Variants in KIAA0232 observed in about 807,000 individuals in gnomAD.
KIAA0232 encodes the protein KIAA0232, also known as uncharacterized protein KIAA0232.
KIAA0232 carries 27 observed loss-of-function variants against 122.0 expected under a neutral mutation model. That is an observed-to-expected ratio of 0.22 (90% CI 0.16 to 0.31). KIAA0232 has a LOEUF of 0.31. Ranked by LOEUF, KIAA0232 falls within the 10% of genes least tolerant of loss-of-function variation. KIAA0232 has a pLI of 1.00. For synonymous variants in KIAA0232, 613 were observed against 587.6 expected, an observed-to-expected ratio of 1.04 and a Z score of -0.63; for missense variants, 1,551 against 1,634.2, an observed-to-expected ratio of 0.95 and a Z score of 0.88.
At chr4:6,870,484 C>T (rs1721415779) in intron 7 of KIAA0232, among the ~76,000 whole-genome samples, 1 of 152,226 alleles carries the variant, frequency 6.6e-6, no homozygotes, top group Non-Finnish European at 1.5e-5. Context: ...TTTTAAGACA[C>T]TTAGGTCAAT....
intron 2 of KIAA0232, among the ~76,000 whole-genome samples, chr4:6,811,668 C>T (rs555111844): frequency 6.6e-6 from 1 of 151,820 alleles, no homozygotes; most frequent in South Asian, 2.1e-4. Context: ...TGGTCTTGAA[C>T]TCCTGAGTTC....
At chr4:6,797,351 T>C (rs1348177104) in intron 1 of KIAA0232, among the ~76,000 whole-genome samples, 1 of 152,194 alleles carries the variant, frequency 6.6e-6, no homozygotes, top group Non-Finnish European at 1.5e-5. Flanking sequence ...GGTTCAGGCC[T>C]GTCATCTTCT....
chr4:6,815,748 T>C (rs2108994857), intron 2 of KIAA0232, among the ~76,000 whole-genome samples: 1 of 152,014 alleles, frequency 6.6e-6, no homozygotes, highest in East Asian at 1.9e-4. Context: ...CTCATGACTA[T>C]AGATATAACC....
intron 1 of KIAA0232, among the ~76,000 whole-genome samples, chr4:6,783,070 G>C (rs1716421916): frequency 6.6e-6 from 1 of 151,754 alleles, no homozygotes; most frequent in African/African-American, 2.4e-5. Flanking sequence ...TCCGGGGCCA[G>C]CCTGAGGGAG....
At chr4:6,796,284 C>G (rs369101526) in intron 1 of KIAA0232, among the ~76,000 whole-genome samples, 26 of 152,100 alleles carry the variant, frequency 1.7e-4, no homozygotes, top group African/African-American at 6.0e-4. Context: ...TTCTGTCACC[C>G]AGGTTGGAGT....
intron 3 of KIAA0232, among the ~76,000 whole-genome samples, chr4:6,838,122 T>G (rs746569372): frequency 6.6e-6 from 1 of 152,086 alleles, no homozygotes; most frequent in Non-Finnish European, 1.5e-5. Context: ...TTTCAGATTC[T>G]GAGAAAAATT....
chr4:6,790,135 A>G (rs184990178), intron 1 of KIAA0232, among the ~76,000 whole-genome samples: 2 of 152,298 alleles, frequency 1.3e-5, no homozygotes, highest in East Asian at 3.9e-4. Flanking sequence ...TCTTGTTAAT[A>G]TACATTAAGC....
chr4:6,876,423 C>A (rs1721760229), intron 8 of KIAA0232, among the ~76,000 whole-genome samples: 1 of 152,060 alleles, frequency 6.6e-6, no homozygotes, highest in African/African-American at 2.4e-5. Context: ...GTTATGCTGG[C>A]CTATTTCTTT....
chr4:6,783,348 G>A (rs1203463242), intron 1 of KIAA0232, among the ~76,000 whole-genome samples: 4 of 152,206 alleles, frequency 2.6e-5, no homozygotes, highest in East Asian at 1.9e-4. Context: ...CGCACAATGG[G>A]TTGCCGTTGG....
chr4:6,857,824 A>G (rs1720642485), intron 5 of KIAA0232, among the ~76,000 whole-genome samples: 1 of 152,102 alleles, frequency 6.6e-6, no homozygotes, highest in African/African-American at 2.4e-5. Context: ...AAGGGTGAGG[A>G]TCCTTGTTTC....
At chr4:6,811,615 G>T (rs1194803163) in intron 2 of KIAA0232, among the ~76,000 whole-genome samples, 3 of 151,986 alleles carry the variant, frequency 2.0e-5, no homozygotes, top group African/African-American at 7.2e-5. Context: ...GCTGATTTTT[G>T]TATTTTTTTG....
intron 3 of KIAA0232, among the ~76,000 whole-genome samples, chr4:6,834,053 C>G (rs1034982043): frequency 5.9e-5 from 9 of 152,132 alleles, no homozygotes; most frequent in African/African-American, 2.2e-4. Flanking sequence ...CTGACTTGGA[C>G]AAGTTAACAT....
intron 3 of KIAA0232, among the ~76,000 whole-genome samples, chr4:6,838,340 C>G (rs1719458705): frequency 6.6e-6 from 1 of 152,100 alleles, no homozygotes; most frequent in Non-Finnish European, 1.5e-5. Context: ...AGGTGGACAC[C>G]ACCATGCCCG....
In KIAA0232 at chr4:6,858,448, G is replaced by C. The variant is rs1420054147; in HGVS notation, c.460G>C (p.Glu154Gln). 5.0e-6 allele frequency: 8 copies of C among 1,605,026 alleles called. No individual in the cohort carries two copies. The highest frequency in any genetic ancestry group is 6.0e-6 in the Non-Finnish European group (7 of 1,176,376). ...AGAAGAGAAGATTCACAAAAAGTTA[G>C]AGGGGTCTCCCTCTCCAGAGGCAGA... Reference protein sequence around the residue: ...KQEEKIHKKLEGSPSPEAELS... With the variant: ...KQEEKIHKKLQGSPSPEAELS... The change falls in exon 6 of 10, where the codon GAG (glutamate) becomes CAG (glutamine). Residue 154 changes from glutamate (E) to glutamine (Q), a missense_variant. Glu to Gln is a conservative substitution (Grantham distance 29, BLOSUM62 2). Coordinates refer to ENST00000307659, the MANE Select transcript of KIAA0232 (RefSeq NM_014743.3).
At position 6,844,132 on chromosome 4, in the gene KIAA0232, G is replaced by C. The variant is rs138378239; in HGVS notation, c.369+1928G>C. Reference sequence around the variant, plus strand: ...TTTTTTGTATTTTTTAGTAGTGATGGGGTATCACCGTGTTAGCCAGGATGG... The same window carrying C: ...TTTTTTGTATTTTTTAGTAGTGATGCGGTATCACCGTGTTAGCCAGGATGG... On this transcript the variant is annotated intron_variant, in intron 4 of 9. Coordinates refer to ENST00000307659, the MANE Select transcript of KIAA0232 (RefSeq NM_014743.3). Among the ~76,000 whole-genome samples, 35 of 151,500 alleles carry C rather than the reference G, an allele frequency of 2.3e-4. No individual in the cohort carries two copies. The East Asian group carries it at 6.7e-3, about 29-fold the overall frequency.
At chr4:6,812,821 T>C (rs974710662) in intron 2 of KIAA0232, among the ~76,000 whole-genome samples, 1 of 152,084 alleles carries the variant, frequency 6.6e-6, no homozygotes, top group African/African-American at 2.4e-5. Context: ...TTTTGATCAG[T>C]TGTGCTGTAA....
intron 9 of KIAA0232, among the ~76,000 whole-genome samples, chr4:6,878,416 A>ATAC (rs1560214700): frequency 2.9e-5 from 2 of 68,434 alleles, no homozygotes; most frequent in African/African-American, 4.6e-5. Context: ...TACATACATA[A>ATAC]ATATATACAT....
intron 7 of KIAA0232, among the ~76,000 whole-genome samples, chr4:6,868,028 C>T (rs1721276662): frequency 2.0e-5 from 3 of 152,166 alleles, no homozygotes; most frequent in South Asian, 2.1e-4. Context: ...TCTTGCTTTT[C>T]CTGGTGTGAC....
At position 6,807,394 on chromosome 4, in the gene KIAA0232, T is replaced by C. The variant is rs144543939; in HGVS notation, c.-270+2788T>C. On this transcript the variant is annotated intron_variant, in intron 2 of 9. Transcript: ENST00000307659. The stretch of plus-strand genomic sequence containing the variant: ...GCATATATACTTACGTGTTTATTTC[T>C]GATGACTAGTAAGCATGGAATTTCT... Among the ~76,000 whole-genome samples, 357 of 152,364 alleles carry C rather than the reference T, an allele frequency of 2.3e-3. 1 individual carries two copies. The highest frequency in any genetic ancestry group is 7.9e-3 in the African/African-American group (328 of 41,594).
Sources: allele counts gnomAD v4.1 joint callset (sites outside exome capture counted in the v4.1 genomes callset), GRCh38; gene constraint gnomAD v4.1.1; transcripts MANE v1.5; gene names NCBI Gene and HGNC (gene_info 2026-07-23, HGNC 2026-07-21).